SORCS1: variants seen among roughly 807,000 people sequenced by gnomAD.
SORCS1 encodes VPS10 domain-containing receptor SorCS1.
Under a neutral mutation model 146.1 loss-of-function variants are expected in SORCS1, and 60 were observed. The observed-to-expected ratio is 0.41, with a 90% confidence interval of 0.33 to 0.51. The LOEUF is 0.51. Among genes scored for constraint, SORCS1 ranks in the 20% least tolerant of loss-of-function variants. The pLI, the probability that SORCS1 is intolerant of heterozygous loss-of-function variation, is 0.21. For missense variants in SORCS1, 1,352 were observed against 1,487.6 expected (o/e 0.91, Z 1.50); for synonymous variants, 637 against 584.0 (o/e 1.09, Z -1.31).
At chr10:106,902,636 C>T (rs149782415) in intron 2 of SORCS1, among the ~76,000 whole-genome samples, 1 of 152,234 alleles carries the variant, frequency 6.6e-6, no homozygotes, top group East Asian at 1.9e-4. Flanking sequence ...TGGTGGTGGT[C>T]TTATGGGTTA....
intron 6 of SORCS1, among the ~76,000 whole-genome samples, chr10:106,717,424 T>C (rs1855456543): frequency 6.6e-6 from 1 of 152,254 alleles, no homozygotes; most frequent in African/African-American, 2.4e-5. Flanking sequence ...CCAGAAAGTC[T>C]ACACAGAGGA....
chr10:106,840,864 T>TAC (rs1491157685), intron 2 of SORCS1, among the ~76,000 whole-genome samples: 1 of 98,414 alleles, frequency 1.0e-5, no homozygotes, highest in Non-Finnish European at 1.9e-5. Context: ...TATATATATA[T>TAC]TTTTTTTTTT....
At chr10:106,776,287 A>C (rs781770306) in intron 4 of SORCS1, among the ~76,000 whole-genome samples, 1 of 152,160 alleles carries the variant, frequency 6.6e-6, no homozygotes, top group Non-Finnish European at 1.5e-5. Flanking sequence ...CTATGCTGAG[A>C]ACTGCTTCTC....
chr10:106,728,395 G>A (rs369000973), intron 6 of SORCS1, among the ~76,000 whole-genome samples: 229 of 152,326 alleles, frequency 1.5e-3, no homozygotes, highest in African/African-American at 5.1e-3. Flanking sequence ...CACCACCAGA[G>A]CGAGCCCCCT....
chr10:106,642,418 T>C lies in SORCS1; in HGVS notation c.2475+9964A>G, dbSNP rs535650968. 9.2e-5 allele frequency among the ~76,000 whole-genome samples: 14 copies of C among 152,328 alleles called. No individual in the cohort carries two copies. In the South Asian group the frequency reaches 1.9e-3, roughly 20 times the overall value. Reference sequence around the variant, plus strand: ...TTTACAGGCATCAGAAGCATGATCTTTTGACATCAGAAGATCCCTGTTTTT... The same window carrying C: ...TTTACAGGCATCAGAAGCATGATCTCTTGACATCAGAAGATCCCTGTTTTT... On this transcript the variant is annotated intron_variant, in intron 18 of 25. Coordinates refer to ENST00000263054, the MANE Select transcript of SORCS1 (RefSeq NM_052918.5).
Position 106,960,890 on chromosome 10 carries a change from G to T in SORCS1, c.559-4310C>A, listed in dbSNP as rs915831098. ...GCACTGAGCCACATTTTCATAACCC[G>T]GGCTCCCAAACTATTAGTGACCCTT... On this transcript the variant is annotated intron_variant, in intron 1 of 25. Transcript: ENST00000263054. The surrounding 1 kb of genome is among the most constrained non-coding windows in gnomAD (Gnocchi z 4.4). 1.3e-5 allele frequency among the ~76,000 whole-genome samples: 2 copies of T among 152,062 alleles called. No homozygotes were observed. The highest frequency in any genetic ancestry group is 1.9e-4 in the East Asian group (1 of 5,174).
chr10:106,649,672 C>CTT (rs1345719924), intron 18 of SORCS1, among the ~76,000 whole-genome samples: 1 of 152,166 alleles, frequency 6.6e-6, no homozygotes, highest in African/African-American at 2.4e-5. Context: ...GGAAAATTCT[C>CTT]AGCCCTGATC....
chr10:106,800,513 C>G (rs199884409), intron 3 of SORCS1, among the ~76,000 whole-genome samples: 1 of 89,072 alleles, frequency 1.1e-5, no homozygotes, highest in East Asian at 3.6e-4. Flanking sequence ...CTAGGTGAAT[C>G]TTTTTTTTTT....
At chr10:106,597,181 G>A (rs184883501) in intron 24 of SORCS1, among the ~76,000 whole-genome samples, 170 bp downstream of exon 24, 1 of 152,218 alleles carries the variant, frequency 6.6e-6, no homozygotes, top group East Asian at 1.9e-4. Context: ...GTTGTTTAAC[G>A]GTTCTCCATT....
intron 3 of SORCS1, among the ~76,000 whole-genome samples, chr10:106,816,076 G>C (rs906524987): frequency 6.6e-6 from 1 of 152,172 alleles, no homozygotes; most frequent in African/African-American, 2.4e-5. Flanking sequence ...AAAATAATTT[G>C]GTTGGTAGAA....
chr10:106,577,219 A>G lies in SORCS1; in HGVS notation c.*201T>C, dbSNP rs1844621680. On this transcript the variant is annotated 3_prime_UTR_variant, in exon 26 of 26. Coordinates refer to ENST00000263054, the MANE Select transcript of SORCS1 (RefSeq NM_052918.5). The stretch of plus-strand genomic sequence containing the variant: ...TTTTGTTTTTTTACTGGCGTCCTCC[A>G]TTCAAACATTTACATAGGTAGGGAT... 1 of 1,578,312 alleles carries G rather than the reference A, an allele frequency of 6.3e-7. No homozygotes were observed.
chr10:106,957,374 G>C, intron 1 of SORCS1, among the ~76,000 whole-genome samples: 1 of 152,064 alleles, frequency 6.6e-6, no homozygotes. Flanking sequence ...GTTTCGCCAT[G>C]TTGGGTAGGC....
At chr10:106,773,862 T>G (rs1399209886) in intron 4 of SORCS1, among the ~76,000 whole-genome samples, 1 of 151,868 alleles carries the variant, frequency 6.6e-6, no homozygotes, top group African/African-American at 2.4e-5. Flanking sequence ...GGCAGGAGAA[T>G]CGCCTGAACC....
chr10:107,098,180 T>C (rs773590354), intron 1 of SORCS1, among the ~76,000 whole-genome samples: 2 of 152,194 alleles, frequency 1.3e-5, no homozygotes, highest in Non-Finnish European at 2.9e-5. Context: ...GGTTGCCAAA[T>C]ATTAGTAGGT....
chr10:106,928,679 C>T (rs1953216697), intron 2 of SORCS1, among the ~76,000 whole-genome samples: 1 of 152,188 alleles, frequency 6.6e-6, no homozygotes, highest in African/African-American at 2.4e-5. Flanking sequence ...GAAGCAAAGC[C>T]ACATGTGAGC....
intron 1 of SORCS1, among the ~76,000 whole-genome samples, chr10:106,977,573 CTG>C (rs1200463269): frequency 6.8e-6 from 1 of 146,730 alleles, no homozygotes; most frequent in Admixed American, 6.8e-5. Context: ...TTTGTTTAAC[CTG>C]TGTCATTCAT....
chr10:106,661,798 G>A (rs139021605), intron 17 of SORCS1, among the ~76,000 whole-genome samples: 81 of 152,198 alleles, frequency 5.3e-4, no homozygotes, highest in Middle Eastern at 6.8e-3. Flanking sequence ...CTTTTTCACC[G>A]AACAAAACAT....
At chr10:107,036,453 C>T (rs1188811376) in intron 1 of SORCS1, among the ~76,000 whole-genome samples, 1 of 152,068 alleles carries the variant, frequency 6.6e-6, no homozygotes, top group African/African-American at 2.4e-5. Context: ...TGAACCAGTG[C>T]CAGTATTCTC....
chr10:106,712,201 T>A (rs991065090), intron 6 of SORCS1, among the ~76,000 whole-genome samples: 1 of 152,064 alleles, frequency 6.6e-6, no homozygotes, highest in Non-Finnish European at 1.5e-5. Flanking sequence ...CAAACTAAAA[T>A]TAGGAGTTTA....
Sources: allele counts gnomAD v4.1 joint callset (sites outside exome capture counted in the v4.1 genomes callset), GRCh38; gene constraint gnomAD v4.1.1; non-coding constraint Gnocchi (gnomAD v3.1); transcripts MANE v1.5; gene names NCBI Gene and HGNC (gene_info 2026-07-23, HGNC 2026-07-21).